The following ST8SIA6 variants were observed in gnomAD, a reference collection of about 807,000 sequenced individuals.
The protein encoded by ST8SIA6 is ST8 alpha-N-acetyl-neuraminide alpha-2,8-sialyltransferase 6.
ST8SIA6 carries 39 observed loss-of-function variants against 33.6 expected under a neutral mutation model. The observed-to-expected ratio is 1.16, with a 90% CI of 0.90 to 1.52. The LOEUF (loss-of-function observed/expected upper bound fraction) is 1.52, where lower values mean the gene tolerates loss of function less well. ST8SIA6 is among the 40% of genes most tolerant of loss of function. ST8SIA6 has a pLI of 0.00. For missense variants in ST8SIA6, 441 were observed against 443.8 expected, an observed-to-expected ratio of 0.99 and a Z score of 0.06; for synonymous variants, 172 against 167.2, an observed-to-expected ratio of 1.03 and a Z score of -0.22.
chr10:17,359,659 GAAGA>G (rs1849320179), intron 3 of ST8SIA6, 59 bp from the exon 4 acceptor site: 2 of 1,096,790 alleles, frequency 1.8e-6, no homozygotes, highest in Admixed American at 4.7e-5. Flanking sequence ...AGTCTTCTTA[GAAGA>G]TACTGTTATA....
chr10:17,449,308 G>A (rs1852829957), intron 2 of ST8SIA6, among the ~76,000 whole-genome samples: 3 of 152,014 alleles, frequency 2.0e-5, no homozygotes, highest in African/African-American at 7.2e-5. Context: ...AAATCCAAGA[G>A]CTGGTTATTT....
intron 2 of ST8SIA6, among the ~76,000 whole-genome samples, chr10:17,418,685 T>A (rs1301843464): frequency 6.6e-6 from 1 of 152,258 alleles, no homozygotes; most frequent in African/African-American, 2.4e-5. Flanking sequence ...TCCTTTCAAA[T>A]TGTTTACAGT....
chr10:17,396,163 C>G (rs1026005379), intron 2 of ST8SIA6, among the ~76,000 whole-genome samples: 1 of 152,142 alleles, frequency 6.6e-6, no homozygotes, highest in African/African-American at 2.4e-5. Flanking sequence ...TATTTTTCTG[C>G]CCACTTGTAG....
At chr10:17,429,239 A>G (rs1414143872) in intron 2 of ST8SIA6, among the ~76,000 whole-genome samples, 9 of 151,930 alleles carry the variant, frequency 5.9e-5, no homozygotes, top group African/African-American at 2.2e-4. Flanking sequence ...GATATAATAG[A>G]TCATCACCAC....
intron 2 of ST8SIA6, among the ~76,000 whole-genome samples, chr10:17,439,957 A>G (rs532405321): frequency 2.0e-5 from 3 of 152,348 alleles, no homozygotes; most frequent in South Asian, 2.1e-4. Context: ...AACTATGTGG[A>G]TCTTCCAACG....
intron 3 of ST8SIA6, among the ~76,000 whole-genome samples, chr10:17,365,826 T>C (rs1240799879): frequency 3.9e-5 from 6 of 152,204 alleles, no homozygotes; most frequent in Non-Finnish European, 8.8e-5. Flanking sequence ...ACCAATTTGG[T>C]TTCCTATGAC....
intron 3 of ST8SIA6, among the ~76,000 whole-genome samples, chr10:17,368,044 C>T (rs1312894352): frequency 6.6e-6 from 1 of 151,854 alleles, no homozygotes; most frequent in Non-Finnish European, 1.5e-5. Flanking sequence ...ATTTATTGCG[C>T]ATTTGCTATG....
chr10:17,345,438 G>A (rs1395161917), intron 4 of ST8SIA6, among the ~76,000 whole-genome samples: 2 of 152,212 alleles, frequency 1.3e-5, no homozygotes, highest in African/African-American at 4.8e-5. Context: ...AAAGTATGGG[G>A]ACTCAGCTCC....
chr10:17,363,877 A>G (rs2131622856), intron 3 of ST8SIA6, among the ~76,000 whole-genome samples: 1 of 152,264 alleles, frequency 6.6e-6, no homozygotes, highest in Non-Finnish European at 1.5e-5. Context: ...ATACTCATTC[A>G]TTATCCCCAT....
In ST8SIA6 at chr10:17,321,496, C is replaced by G. The variant is rs539795782; in HGVS notation, c.729-150G>C. 8 of 616,110 alleles carry G rather than the reference C, an allele frequency of 1.3e-5. No individual in the cohort carries two copies. The African/African-American group carries it at 1.5e-4, about 11-fold the overall frequency. 38.2% of individuals were successfully genotyped at this position (616,110 alleles called of 1,614,324 possible). ...AGATAAAGTGTGGACTCAGAGAAAA[C>G]TCATTCAAGTAAGCATAATGTCAAT... On this transcript the variant is annotated intron_variant, in intron 7 of 7. Coordinates refer to ENST00000377602, the MANE Select transcript of ST8SIA6 (RefSeq NM_001004470.3).
intron 2 of ST8SIA6, among the ~76,000 whole-genome samples, chr10:17,441,982 C>T (rs1188392197): frequency 6.6e-6 from 1 of 151,816 alleles, no homozygotes. Context: ...GATTCTCTTG[C>T]CTCAGCCTCC....
intron 2 of ST8SIA6, among the ~76,000 whole-genome samples, chr10:17,396,689 C>T (rs1350253489): frequency 6.6e-6 from 1 of 152,196 alleles, no homozygotes; most frequent in Non-Finnish European, 1.5e-5. Flanking sequence ...CCTTTCCCTA[C>T]CACAGTCCTT....
intron 2 of ST8SIA6, among the ~76,000 whole-genome samples, chr10:17,407,724 C>G (rs1186056073): frequency 6.6e-6 from 1 of 152,130 alleles, no homozygotes; most frequent in African/African-American, 2.4e-5. Context: ...CCAGACAATG[C>G]CAGTCCCACT....
chr10:17,411,974 A>G (rs1851466588), intron 2 of ST8SIA6, among the ~76,000 whole-genome samples: 2 of 152,122 alleles, frequency 1.3e-5, no homozygotes, highest in Non-Finnish European at 2.9e-5. Context: ...AGCAAAACCA[A>G]AGAGAGCCAT....
At chr10:17,348,668 G>A (rs11813767) in intron 4 of ST8SIA6, among the ~76,000 whole-genome samples, 139,436 of 152,210 alleles carry the variant, frequency 0.92, 64,039 homozygotes, top group East Asian at 1. Flanking sequence ...GTTCCAGGAC[G>A]GCTCCCACGG....
intron 4 of ST8SIA6, among the ~76,000 whole-genome samples, chr10:17,342,513 G>C (rs189252691): frequency 2.0e-4 from 30 of 152,314 alleles, no homozygotes; most frequent in African/African-American, 7.2e-4. Context: ...GCAGTGGAAG[G>C]AGATCAGAGG....
intron 4 of ST8SIA6, among the ~76,000 whole-genome samples, chr10:17,343,840 G>A (rs1335086038): frequency 6.6e-6 from 1 of 152,152 alleles, no homozygotes; most frequent in African/African-American, 2.4e-5. Flanking sequence ...AAAGGGAAAC[G>A]TATTTGAAGC....
At position 17,374,750 on chromosome 10, in the gene ST8SIA6, T is replaced by A. The variant is rs200782141; in HGVS notation, c.291-15150A>T. ...AATAAATAAATAAATAAATAAATAA[T>A]AAATATATATATATATATTTAGCTC... On this transcript the variant is annotated intron_variant, in intron 3 of 7. Coordinates refer to ENST00000377602, the MANE Select transcript of ST8SIA6 (RefSeq NM_001004470.3). Among the ~76,000 whole-genome samples the A allele has an allele frequency of 3.3e-3, 314 of 96,106 alleles. 1 individual carries two copies. Among genetic ancestry groups the A allele is most frequent in the East Asian group, 0.022 (31 of 1,430 alleles). The allele number at this position is 96,106 out of a possible 152,430, so 63.0% of individuals were successfully genotyped here. A position where few individuals can be genotyped will look rare whatever the true frequency, so the allele number is the denominator to read the frequency against.
chr10:17,360,541 T>C (rs1323874534), intron 3 of ST8SIA6, among the ~76,000 whole-genome samples: 1 of 148,052 alleles, frequency 6.8e-6, no homozygotes, highest in Non-Finnish European at 1.5e-5. Flanking sequence ...GGTGGGCTTA[T>C]ATATGTAGAC....
Sources: allele counts gnomAD v4.1 joint callset (sites outside exome capture counted in the v4.1 genomes callset), GRCh38; gene constraint gnomAD v4.1.1; transcripts MANE v1.5; gene names NCBI Gene and HGNC (gene_info 2026-07-23, HGNC 2026-07-21).